ZNF141: variants seen among roughly 807,000 people sequenced by gnomAD.
ZNF141 encodes zinc finger protein 141, also known as zinc finger protein 141 (clone pHZ-44).
Under a neutral mutation model 11.3 loss-of-function variants are expected in ZNF141, and 7 were observed. The observed-to-expected ratio is 0.62, with a 90% CI of 0.35 to 1.16. The LOEUF is 1.16. ZNF141 is among the 50% of genes most tolerant of loss of function. The pLI is 0.02. For synonymous variants in ZNF141, 183 were observed against 190.7 expected, an observed-to-expected ratio of 0.96 and a Z score of 0.33; for missense variants, 535 against 554.0, an observed-to-expected ratio of 0.97 and a Z score of 0.34.
intron 3 of ZNF141, among the ~76,000 whole-genome samples, chr4:347,229 G>C (rs1383560316): frequency 6.6e-6 from 1 of 151,226 alleles, no homozygotes; most frequent in Non-Finnish European, 1.5e-5. Flanking sequence ...TAGAGACGGA[G>C]TTTCTCCACG....
At chr4:353,561 A>G (rs1364992357) in intron 3 of ZNF141, among the ~76,000 whole-genome samples, 1 of 151,414 alleles carries the variant, frequency 6.6e-6, no homozygotes, top group East Asian at 2.0e-4. Flanking sequence ...CCTGAATTCA[A>G]GTGATTTTCC....
intron 3 of ZNF141, among the ~76,000 whole-genome samples, chr4:365,261 G>T (rs1325122982): frequency 6.6e-6 from 1 of 152,192 alleles, no homozygotes; most frequent in Non-Finnish European, 1.5e-5. Context: ...CTAGGAGAGG[G>T]AAATCCCCCA....
chr4:369,764 A>ATGTTTTTTTTTTTTTTTTTTTTTTTTTT, intron 3 of ZNF141, among the ~76,000 whole-genome samples: 14 of 48,722 alleles, frequency 2.9e-4, no homozygotes, highest in Middle Eastern at 0.02. Context: ...ATATATATAT[A>ATGTTTTTTTTTTTTTTTTTTTTTTTTTT]TTTTTTTTTT....
intron 3 of ZNF141, among the ~76,000 whole-genome samples, chr4:369,615 T>C (rs1711923344): frequency 6.6e-6 from 1 of 150,816 alleles, no homozygotes; most frequent in African/African-American, 2.4e-5. Flanking sequence ...CTGTCCCTTA[T>C]TTTCTTTTTC....
At chr4:351,589 T>G (rs151139548) in intron 3 of ZNF141, among the ~76,000 whole-genome samples, 2,313 of 152,288 alleles carry the variant, frequency 0.015, 36 homozygotes, top group Non-Finnish European at 0.024. Context: ...CAATTTTCTT[T>G]CCTCCTAAAA....
chr4:363,330 T>G (rs1553852477), intron 3 of ZNF141, among the ~76,000 whole-genome samples: 1 of 152,222 alleles, frequency 6.6e-6, no homozygotes, highest in Non-Finnish European at 1.5e-5. Flanking sequence ...AGGGACAATT[T>G]GACTTCCTCT....
intron 1 of ZNF141, among the ~76,000 whole-genome samples, chr4:342,189 A>G (rs776855147): frequency 2.8e-4 from 42 of 152,234 alleles, no homozygotes; most frequent in Non-Finnish European, 4.8e-4. Context: ...ATTAACACAC[A>G]TAATATGAGC....
rs1553855706 is a variant in ZNF141 at position 381,771 on chromosome 4, CAG to C, written c.*7913_*7914del. On this transcript the variant is annotated 3_prime_UTR_variant, in exon 4 of 4. Transcript: ENST00000240499. The stretch of plus-strand genomic sequence containing the variant: ...TGGGAAGAAAGGAGACTTTTTACAA[CAG>C]AGAATACCCCTATTAAATATGGGTC... Among the ~76,000 whole-genome samples, 1 of 151,884 alleles carries C rather than the reference CAG, an allele frequency of 6.6e-6. No homozygotes were observed. Among genetic ancestry groups the C allele is most frequent in the East Asian group, 1.9e-4 (1 of 5,152 alleles).
At position 383,292 on chromosome 4, in the gene ZNF141, C is replaced by A. The variant is rs782585179; in HGVS notation, c.*9430C>A. On this transcript the variant is annotated 3_prime_UTR_variant, in exon 4 of 4. Coordinates refer to ENST00000240499, the MANE Select transcript of ZNF141 (RefSeq NM_003441.4). ...GCCCGGCTGAGCCCAGCCTAAATTT[C>A]TAACCAGCTCAATCCTGAGCTAGTA... is the stretch of plus-strand genomic sequence containing the variant. 1 of 619,450 alleles carries A rather than the reference C, an allele frequency of 1.6e-6. No homozygotes were observed. Among genetic ancestry groups the A allele is most frequent in the Non-Finnish European group, 2.9e-6 (1 of 350,100 alleles). The allele number at this position is 619,450 out of a possible 1,614,324, so 38.4% of individuals were successfully genotyped here.
chr4:351,672 A>G (rs1721609648), intron 3 of ZNF141, among the ~76,000 whole-genome samples: 1 of 152,176 alleles, frequency 6.6e-6, no homozygotes, highest in South Asian at 2.1e-4. Flanking sequence ...AACTAAGTGA[A>G]TAACCTTGAC....
chr4:379,981 T>G lies in ZNF141; in HGVS notation c.*6119T>G, dbSNP rs1430997722. On this transcript the variant is annotated 3_prime_UTR_variant, in exon 4 of 4. Transcript: ENST00000240499. ...ATTGTTAACTGTAGTCACCATGCTGTACAATAGATTTCTTGAATTTATTCC... is the reference window on the plus strand; with the variant it reads ...ATTGTTAACTGTAGTCACCATGCTGGACAATAGATTTCTTGAATTTATTCC... Among the ~76,000 whole-genome samples, 6 of 152,230 alleles carry G rather than the reference T, an allele frequency of 3.9e-5. No homozygotes were observed. Among genetic ancestry groups the G allele is most frequent in the African/African-American group, 1.4e-4 (6 of 41,468 alleles).
At chr4:347,138 A>T (rs1158813607) in intron 3 of ZNF141, among the ~76,000 whole-genome samples, 1 of 149,372 alleles carries the variant, frequency 6.7e-6, no homozygotes, top group Non-Finnish European at 1.5e-5. Context: ...CCTGGGTTCA[A>T]GCAATTCTCC....
At chr4:366,945 G>T (rs1251415100) in intron 3 of ZNF141, among the ~76,000 whole-genome samples, 1 of 152,228 alleles carries the variant, frequency 6.6e-6, no homozygotes, top group East Asian at 1.9e-4. Flanking sequence ...TAGGATTACA[G>T]GCGTGAGCCA....
intron 3 of ZNF141, among the ~76,000 whole-genome samples, chr4:345,901 T>G (rs1553849442): frequency 6.6e-6 from 1 of 152,232 alleles, no homozygotes; most frequent in Non-Finnish European, 1.5e-5. Context: ...ATAAATGTGC[T>G]ATGTCATTAA....
chr4:344,321 T>G lies in ZNF141; in HGVS notation c.131-14T>G. The G allele has an allele frequency of 6.2e-7, 1 of 1,600,662 alleles. No individual in the cohort carries two copies. The highest frequency in any genetic ancestry group is 8.5e-7 in the Non-Finnish European group (1 of 1,170,308). The stretch of plus-strand genomic sequence containing the variant: ...ATCAATAGTCATGTTATTATTTTTT[T>G]TAAAATAAAACAGGTGTTGCTATCT... On this transcript the variant is annotated splice_polypyrimidine_tract_variant and intron_variant, in intron 2 of 3. Transcript: ENST00000240499.
chr4:342,827 C>G (rs1170106033), intron 1 of ZNF141: 2 of 1,607,204 alleles, frequency 1.2e-6, no homozygotes, highest in Non-Finnish European at 1.7e-6. Context: ...CAAACAGGTC[C>G]CCGAGGCATT....
At chr4:361,387 G>GT (rs200611005) in intron 3 of ZNF141, among the ~76,000 whole-genome samples, 26,744 of 130,394 alleles carry the variant, frequency 0.21, 2,931 homozygotes, top group Non-Finnish European at 0.27. Context: ...ATATCTTTCT[G>GT]TTTTTTTTTT....
chr4:338,016 C>T (rs1553847834), intron 1 of ZNF141, 30 bp downstream of exon 1: 2 of 1,612,668 alleles, frequency 1.2e-6, no homozygotes, highest in Non-Finnish European at 1.7e-6. Flanking sequence ...CGTCCCAAGG[C>T]TGAGGAGGTC....
chr4:361,061 A>G (rs537315562), intron 3 of ZNF141, among the ~76,000 whole-genome samples: 19 of 152,328 alleles, frequency 1.2e-4, no homozygotes, highest in African/African-American at 4.6e-4. Context: ...TTTTAGGTAG[A>G]TGTAAATATT....
Sources: gnomAD v4.1 joint callset for allele counts (sites outside exome capture counted in the v4.1 genomes callset) on GRCh38, gnomAD v4.1.1 for gene constraint, MANE v1.5 for transcripts, NCBI Gene and HGNC (gene_info 2026-07-23, HGNC 2026-07-21) for gene names.